ABCC5: variants seen among roughly 807,000 people sequenced by gnomAD.
The protein encoded by ABCC5 is ATP-binding cassette sub-family C member 5.
A neutral mutation model predicts 160.9 loss-of-function variants in ABCC5; 61 were observed. The observed-to-expected ratio is 0.38, with a 90% confidence interval of 0.31 to 0.47. The LOEUF is 0.47. Ranked by LOEUF, ABCC5 falls within the 20% of genes least tolerant of loss-of-function variation. The probability of loss-of-function intolerance (pLI) is 0.99; values close to 1 mark genes in which losing one functional copy is unlikely to be tolerated. For missense variants in ABCC5, 1,308 were observed against 1,813.3 expected (o/e 0.72, Z 5.06); for synonymous variants, 666 against 700.6 (o/e 0.95, Z 0.78).
intron 5 of ABCC5, chr3:183,984,654 T>C (rs1719041616): frequency 4.8e-6 from 7 of 1,447,982 alleles, no homozygotes; most frequent in South Asian, 1.4e-5. Flanking sequence ...GTATTCCACC[T>C]CTCCCCTCCC....
At chr3:183,996,058 C>T (rs368171623) in intron 2 of ABCC5, among the ~76,000 whole-genome samples, 199 of 152,258 alleles carry the variant, frequency 1.3e-3, no homozygotes, top group African/African-American at 4.5e-3. Context: ...CCGCCTGCCT[C>T]GGCCTCCCAA....
At chr3:183,973,663 A>G (rs3828469) in intron 10 of ABCC5, among the ~76,000 whole-genome samples, 30,355 of 152,022 alleles carry the variant, frequency 0.2, 3,162 homozygotes, top group East Asian at 0.42. Context: ...TCTTCCCCGA[A>G]GTGTCATGAT....
intron 26 of ABCC5, among the ~76,000 whole-genome samples, chr3:183,937,433 T>C (rs543752409): frequency 6.6e-6 from 1 of 152,068 alleles, no homozygotes; most frequent in East Asian, 1.9e-4. Context: ...GATGACAGAA[T>C]GGAGTGGGGG....
Position 183,980,798 on chromosome 3 carries a change from C to T in ABCC5, c.1147+929G>A, listed in dbSNP as rs1483240619. Among the ~76,000 whole-genome samples the T allele has an allele frequency of 2.6e-5, 4 of 151,814 alleles. No individual in the cohort carries two copies. The East Asian group carries it at 5.8e-4, about 22-fold the overall frequency. Reference sequence around the variant, plus strand: ...TGTGATCTCAGCTCACTGCAACCTCCGCCTCTTGGGTTCAAGCGATTCTCC... The same window carrying T: ...TGTGATCTCAGCTCACTGCAACCTCTGCCTCTTGGGTTCAAGCGATTCTCC... On this transcript the variant is annotated intron_variant, in intron 8 of 29. Transcript: ENST00000334444.
chr3:183,961,505 T>C lies in ABCC5; in HGVS notation c.2379+6A>G. On this transcript the variant is annotated splice_donor_region_variant and intron_variant, in intron 16 of 29. Transcript: ENST00000334444. ...GGGGACACACGCAAACACCATCAGA[T>C]CTTACCTCAACTGGCGGTGTCTCTC... is the stretch of plus-strand genomic sequence containing the variant. The C allele has an allele frequency of 6.2e-7, 1 of 1,613,962 alleles. No homozygotes were observed. Among genetic ancestry groups the C allele is most frequent in the Non-Finnish European group, 8.5e-7 (1 of 1,179,904 alleles).
chr3:183,927,628 C>G (rs1007571603), intron 27 of ABCC5, 185 bp from the exon 28 acceptor site: 10 of 985,322 alleles, frequency 1.0e-5, no homozygotes, highest in Middle Eastern at 5.2e-4. Flanking sequence ...AAGGCAGTCC[C>G]TGATTCCAAT....
At chr3:184,008,612 A>C (rs539014473) in intron 2 of ABCC5, among the ~76,000 whole-genome samples, 6 of 152,230 alleles carry the variant, frequency 3.9e-5, no homozygotes, top group Non-Finnish European at 8.8e-5. Context: ...CTTTATTTCA[A>C]CCCTAATTAT....
At chr3:183,973,634 C>A (rs1717963715) in intron 10 of ABCC5, among the ~76,000 whole-genome samples, 1 of 152,090 alleles carries the variant, frequency 6.6e-6, no homozygotes, top group African/African-American at 2.4e-5. Context: ...CCCCCGTCTC[C>A]CATTCATCCC....
intron 25 of ABCC5, among the ~76,000 whole-genome samples, chr3:183,942,036 G>A (rs1714404756): frequency 1.3e-5 from 2 of 148,224 alleles, no homozygotes; most frequent in Non-Finnish European, 3.0e-5. Flanking sequence ...CTACAGTTAC[G>A]CATTTCTTTT....
At chr3:183,979,360 A>AAG (rs1560027401) in intron 8 of ABCC5, among the ~76,000 whole-genome samples, 1 of 150,188 alleles carries the variant, frequency 6.7e-6, no homozygotes, top group African/African-American at 2.4e-5. Flanking sequence ...AAAAAAAAAA[A>AAG]GGGGCAGTGG....
In ABCC5 at chr3:183,957,427, G is replaced by C. The variant is rs1226549385; in HGVS notation, c.2482+2306C>G. Among the ~76,000 whole-genome samples the C allele has an allele frequency of 8.9e-5, 12 of 135,454 alleles. 1 individual carries two copies. Among genetic ancestry groups the C allele is most frequent in the Non-Finnish European group, 1.6e-4 (10 of 63,138 alleles). 88.9% of individuals were successfully genotyped at this position (135,454 alleles called of 152,430 possible). ...GTGTATATCACATCGGTTACATGCA[G>C]ATCCATGTGTATATCACATCTGTTA... is the stretch of plus-strand genomic sequence containing the variant. On this transcript the variant is annotated intron_variant, in intron 17 of 29. Transcript: ENST00000334444.
At chr3:183,993,463 GAC>G (rs1187345556) in intron 2 of ABCC5, among the ~76,000 whole-genome samples, 1 of 128,064 alleles carries the variant, frequency 7.8e-6, no homozygotes, top group Non-Finnish European at 1.6e-5. Context: ...CAGCCTGGGT[GAC>G]AGAGCAAGAC....
chr3:184,016,270 A>G (rs372550634), intron 1 of ABCC5, among the ~76,000 whole-genome samples: 5 of 152,270 alleles, frequency 3.3e-5, no homozygotes, highest in Admixed American at 1.3e-4. Context: ...TATTCTATGT[A>G]TGAAGGGTGT....
chr3:183,984,264 C>T (rs1718998184), intron 5 of ABCC5: 2 of 985,524 alleles, frequency 2.0e-6, no homozygotes, highest in East Asian at 1.1e-4. Context: ...CAAGTCCTTG[C>T]ATCTAAAAAT....
chr3:183,996,302 G>A (rs1351369135), intron 2 of ABCC5, among the ~76,000 whole-genome samples: 4 of 151,926 alleles, frequency 2.6e-5, no homozygotes, highest in Non-Finnish European at 5.9e-5. Context: ...CCAGATGGTG[G>A]GAACCAAAAA....
rs1445675094 is a variant in ABCC5 at position 183,971,925 on chromosome 3, A to G, written c.1405-6T>C. ...TCTTCCATTAGAAACAAACTCTGATAGGAGTTGTGAGAGAGGTGCAAAGAT... is the reference window on the plus strand; with the variant it reads ...TCTTCCATTAGAAACAAACTCTGATGGGAGTTGTGAGAGAGGTGCAAAGAT... On this transcript the variant is annotated splice_region_variant and splice_polypyrimidine_tract_variant and intron_variant, in intron 10 of 29. Transcript: ENST00000334444. 6.2e-7 allele frequency: 1 copy of G among 1,613,680 alleles called. No homozygotes were observed. Among genetic ancestry groups the G allele is most frequent in the Admixed American group, 1.7e-5 (1 of 60,024 alleles).
intron 10 of ABCC5, among the ~76,000 whole-genome samples, chr3:183,975,557 G>A (rs1307444992): frequency 6.6e-6 from 1 of 151,980 alleles, no homozygotes; most frequent in Non-Finnish European, 1.5e-5. Context: ...TGGCCAGGCT[G>A]GTCTTGAACT....
chr3:183,940,749 T>A lies in ABCC5; in HGVS notation c.3694+1978A>T, dbSNP rs1577480035. ...TGTGCTGGTAAGAAAGGCAGTGAAG[T>A]CCTCAAGATGGTGTCCTTGACTGAC... On this transcript the variant is annotated intron_variant, in intron 25 of 29. Coordinates refer to ENST00000334444, the MANE Select transcript of ABCC5 (RefSeq NM_005688.4). 7.2e-5 allele frequency among the ~76,000 whole-genome samples: 11 copies of A among 152,198 alleles called. No individual in the cohort carries two copies. In the South Asian group the frequency reaches 2.3e-3, roughly 32 times the overall value.
chr3:183,937,319 G>A lies in ABCC5; in HGVS notation c.3854+582C>T, dbSNP rs1002652869. On this transcript the variant is annotated intron_variant, in intron 26 of 29. Transcript: ENST00000334444. Reference sequence around the variant, plus strand: ...TTGAACCCAGGAGGCGGAGGTTGCCGTGAGTCAAGATCGTGCCACTGCACT... The same window carrying A: ...TTGAACCCAGGAGGCGGAGGTTGCCATGAGTCAAGATCGTGCCACTGCACT... Among the ~76,000 whole-genome samples, 6 of 152,336 alleles carry A rather than the reference G, an allele frequency of 3.9e-5. No homozygotes were observed. The South Asian group carries it at 1.0e-3, about 26-fold the overall frequency.
Sources: gnomAD v4.1 joint callset for allele counts (sites outside exome capture counted in the v4.1 genomes callset) on GRCh38, gnomAD v4.1.1 for gene constraint, MANE v1.5 for transcripts, NCBI Gene and HGNC (gene_info 2026-07-23, HGNC 2026-07-21) for gene names.